Variants in BDP1 observed in about 807,000 individuals in gnomAD.
BDP1 encodes the protein transcription factor TFIIIB component B'' homolog.
A neutral mutation model predicts 266.6 loss-of-function variants in BDP1; 169 were observed. That is an observed-to-expected ratio of 0.63 (90% CI 0.56 to 0.72). The LOEUF (loss-of-function observed/expected upper bound fraction) is 0.72. Among genes scored for constraint, BDP1 ranks in the 30% least tolerant of loss-of-function variants. The probability of loss-of-function intolerance (pLI) is 0.00; values close to 1 mark genes in which losing one functional copy is unlikely to be tolerated. For synonymous variants in BDP1, 1,090 were observed against 1,022.4 expected (o/e 1.07, Z -1.26); for missense variants, 3,015 against 3,053.8 (o/e 0.99, Z 0.30).
intron 9 of BDP1, among the ~76,000 whole-genome samples, chr5:71,488,353 C>T (rs993930585): frequency 2.0e-5 from 3 of 151,718 alleles, no homozygotes; most frequent in East Asian, 1.9e-4. Context: ...GTCTTAAACC[C>T]CTGACCTCAA....
chr5:71,530,330 G>A (rs547919014), intron 25 of BDP1, among the ~76,000 whole-genome samples: 1 of 152,222 alleles, frequency 6.6e-6, no homozygotes, highest in African/African-American at 2.4e-5. Flanking sequence ...CGCCTCCCAG[G>A]CTCAAGCAAT....
intron 13 of BDP1, among the ~76,000 whole-genome samples, chr5:71,500,537 G>C (rs933590865): frequency 6.6e-6 from 1 of 151,678 alleles, no homozygotes; most frequent in African/African-American, 2.4e-5. Flanking sequence ...ATGTTAGCCA[G>C]GCTGCTCTCG....
intron 32 of BDP1, 127 bp from the exon 33 acceptor site, chr5:71,548,555 C>T: frequency 1.6e-6 from 1 of 625,352 alleles, no homozygotes; most frequent in Non-Finnish European, 2.9e-6. Context: ...AAGCTTCAAA[C>T]ACTTGAAAAC....
downstream of BDP1, among the ~76,000 whole-genome samples, chr5:71,572,331 C>A (rs1249456077): frequency 6.6e-6 from 1 of 152,186 alleles, no homozygotes. Context: ...GGGATCCTGG[C>A]AGGCTGCAAG....
At chr5:71,558,043 A>G (rs1437089441) in intron 36 of BDP1, among the ~76,000 whole-genome samples, 2 of 152,176 alleles carry the variant, frequency 1.3e-5, no homozygotes, top group Non-Finnish European at 2.9e-5. Context: ...CTGTGTTTAT[A>G]CAACTCTGTT....
In BDP1 at chr5:71,512,276, A is replaced by G. The variant is rs756937078; in HGVS notation, c.4095A>G (p.Thr1365=). 11 of 1,580,286 alleles carry G rather than the reference A, an allele frequency of 7.0e-6. No homozygotes were observed. In the South Asian group the frequency reaches 9.6e-5, roughly 14 times the overall value. ...GTGAAGTACTGTCGATGATGCATAC[A>G]CCTGTAGAAGAAAAAAGAAATTCTG... The part of the protein sequence containing the change: ...ISSEVLSMMH[T]PVEEKRNSEK... Residue 1365 remains threonine (T), a synonymous_variant, in exon 18 of 39, where the codon ACA becomes ACG. Coordinates refer to ENST00000358731, the MANE Select transcript of BDP1 (RefSeq NM_018429.3).
At chr5:71,462,901 G>A (rs1389772036) in intron 3 of BDP1, among the ~76,000 whole-genome samples, 1 of 152,140 alleles carries the variant, frequency 6.6e-6, no homozygotes, top group East Asian at 1.9e-4. Flanking sequence ...AGGAGGCCAA[G>A]GCGAGAGAAT....
At chr5:71,521,673 G>A (rs1280002566) in intron 22 of BDP1, among the ~76,000 whole-genome samples, 1 of 152,152 alleles carries the variant, frequency 6.6e-6, no homozygotes, top group East Asian at 1.9e-4. Context: ...TAGCTATTCA[G>A]GTTACCTTGG....
chr5:71,495,674 A>G (rs1413986700), intron 12 of BDP1, among the ~76,000 whole-genome samples: 1 of 152,168 alleles, frequency 6.6e-6, no homozygotes, highest in Non-Finnish European at 1.5e-5. Flanking sequence ...AACTTACGAA[A>G]TTCTAAAACA....
At chr5:71,498,768 G>A (rs1203130637) in intron 13 of BDP1, among the ~76,000 whole-genome samples, 2 of 148,974 alleles carry the variant, frequency 1.3e-5, no homozygotes, top group African/African-American at 5.0e-5. Context: ...CAGTCGCCCA[G>A]GCTGGAGTGC....
At chr5:71,570,492 A>G (rs533234298), downstream of BDP1, among the ~76,000 whole-genome samples, 13 of 152,332 alleles carry the variant, frequency 8.5e-5, no homozygotes, top group African/African-American at 3.1e-4. Context: ...TGGTTCTTGC[A>G]CAACAGACCT....
intron 4 of BDP1, 38 bp downstream of exon 4, chr5:71,464,155 T>G (rs1187908885): frequency 7.9e-7 from 1 of 1,269,674 alleles, no homozygotes; most frequent in African/African-American, 1.5e-5. Flanking sequence ...TATTCCTACA[T>G]TTTTTAAGAA....
At chr5:71,490,754 A>G (rs1763535350) in intron 10 of BDP1, among the ~76,000 whole-genome samples, 1 of 152,218 alleles carries the variant, frequency 6.6e-6, no homozygotes, top group Admixed American at 6.5e-5. Context: ...AAATACTTAG[A>G]ATTTAAGATA....
chr5:71,522,593 T>A (rs1561746175), intron 23 of BDP1, 103 bp downstream of exon 23: 1 of 1,185,020 alleles, frequency 8.4e-7, no homozygotes, highest in Non-Finnish European at 1.2e-6. Context: ...ACTTCTGTAC[T>A]GTAACCATTT....
intron 29 of BDP1, 94 bp downstream of exon 29, chr5:71,541,776 G>A (rs1179540067): frequency 1.3e-6 from 1 of 785,604 alleles, no homozygotes; most frequent in Non-Finnish European, 1.9e-6. Context: ...AGTAGGCAAT[G>A]CTAATTTCTT....
At chr5:71,535,290 C>T (rs572545162) in intron 26 of BDP1, among the ~76,000 whole-genome samples, 14 of 151,802 alleles carry the variant, frequency 9.2e-5, no homozygotes, top group Non-Finnish European at 2.1e-4. Flanking sequence ...CTGCACCCTC[C>T]GCCTCCCAGT....
At chr5:71,539,686 C>G (rs1201367200) in intron 28 of BDP1, 37 bp downstream of exon 28, 1 of 1,403,984 alleles carries the variant, frequency 7.1e-7, no homozygotes, top group Non-Finnish European at 9.9e-7. Context: ...AAAATAGAAA[C>G]TTTTAAAACC....
chr5:71,526,058 A>G (rs1249210852), intron 25 of BDP1, among the ~76,000 whole-genome samples: 9 of 152,268 alleles, frequency 5.9e-5, no homozygotes, highest in African/African-American at 1.7e-4. Context: ...AGAGGCTGCA[A>G]TCTCGGCACT....
chr5:71,560,162 A>C lies in BDP1; in HGVS notation c.7421A>C (p.Glu2474Ala). 6.2e-7 allele frequency: 1 copy of C among 1,614,166 alleles called. No individual in the cohort carries two copies. Among genetic ancestry groups the C allele is most frequent in the Non-Finnish European group, 8.5e-7 (1 of 1,180,018 alleles). ...PQDEMIVSDK[E>A]ERTDAAPKSQ... is the part of the protein sequence containing the mutation. ...GATGAAATGATTGTGTCTGATAAGGAAGAAAGAACTGATGCTGCTCCTAAG... is the reference window on the plus strand; with the variant it reads ...GATGAAATGATTGTGTCTGATAAGGCAGAAAGAACTGATGCTGCTCCTAAG... Residue 2474 changes from glutamate (E) to alanine (A), a missense_variant, in exon 37 of 39, where the codon GAA becomes GCA. Transcript: ENST00000358731.
Sources: gnomAD v4.1 joint callset for allele counts (sites outside exome capture counted in the v4.1 genomes callset) on GRCh38, gnomAD v4.1.1 for gene constraint, MANE v1.5 for transcripts, NCBI Gene and HGNC (gene_info 2026-07-23, HGNC 2026-07-21) for gene names.